The following MTUS2 variants were observed in gnomAD, a reference collection of about 807,000 sequenced individuals.
MTUS2 encodes microtubule-associated tumor suppressor candidate 2.
A neutral mutation model predicts 114.1 loss-of-function variants in MTUS2; 40 were observed. The observed-to-expected ratio is 0.35, with a 90% confidence interval of 0.27 to 0.46. The LOEUF (loss-of-function observed/expected upper bound fraction) is 0.46, where lower values mean the gene tolerates loss of function less well. MTUS2 is among the 20% of genes least tolerant of loss of function. The pLI, the probability that MTUS2 is intolerant of heterozygous loss-of-function variation, is 1.00. For missense variants in MTUS2, 1,679 were observed against 1,705.4 expected, an observed-to-expected ratio of 0.98 and a Z score of 0.27; for synonymous variants, 688 against 672.0, an observed-to-expected ratio of 1.02 and a Z score of -0.37.
chr13:29,438,937 A>G (rs1053870458), intron 8 of MTUS2, among the ~76,000 whole-genome samples: 1 of 152,142 alleles, frequency 6.6e-6, no homozygotes, highest in Non-Finnish European at 1.5e-5. Context: ...ACCAGAAACA[A>G]TATTGTGAGA....
chr13:29,190,295 A>G (rs1894394202), intron 5 of MTUS2, among the ~76,000 whole-genome samples: 1 of 152,250 alleles, frequency 6.6e-6, no homozygotes, highest in South Asian at 2.1e-4. Flanking sequence ...TTGGAATACT[A>G]ACAGCTTTTC....
At chr13:29,271,355 C>T (rs1341449840) in intron 5 of MTUS2, among the ~76,000 whole-genome samples, 1 of 152,152 alleles carries the variant, frequency 6.6e-6, no homozygotes, top group Non-Finnish European at 1.5e-5. Context: ...CATTTTTCCT[C>T]CCGAATTTTA....
At chr13:29,094,688 A>T (rs1890105191) in intron 4 of MTUS2, among the ~76,000 whole-genome samples, 1 of 151,326 alleles carries the variant, frequency 6.6e-6, no homozygotes, top group South Asian at 2.1e-4. Context: ...ATTTATTTTC[A>T]CTGTAATCTT....
intron 9 of MTUS2, among the ~76,000 whole-genome samples, chr13:29,470,647 A>C (rs913527598): frequency 2.0e-5 from 3 of 152,138 alleles, no homozygotes; most frequent in Non-Finnish European, 4.4e-5. Flanking sequence ...ATCCCGTTTG[A>C]TACTCTCTGG....
intron 8 of MTUS2, among the ~76,000 whole-genome samples, chr13:29,366,393 C>T (rs979521991): frequency 6.6e-6 from 1 of 152,142 alleles, no homozygotes; most frequent in Non-Finnish European, 1.5e-5. Context: ...CCCACCAGGT[C>T]CCTCCCATAA....
chr13:28,906,651 T>G (rs1490438008), intron 2 of MTUS2, among the ~76,000 whole-genome samples: 2 of 151,554 alleles, frequency 1.3e-5, no homozygotes, highest in East Asian at 3.8e-4. Flanking sequence ...GTTTTACATT[T>G]GCTGAGGAGT....
At chr13:28,980,163 T>C (rs1884294089) in intron 2 of MTUS2, among the ~76,000 whole-genome samples, 2 of 152,366 alleles carry the variant, frequency 1.3e-5, no homozygotes, top group South Asian at 2.1e-4. Flanking sequence ...GGTAAATGTA[T>C]TGATTTTGTG....
At chr13:28,888,712 G>A (rs184057748) in intron 2 of MTUS2, among the ~76,000 whole-genome samples, 57 of 152,140 alleles carry the variant, frequency 3.7e-4, no homozygotes, top group East Asian at 2.7e-3. Context: ...ATGAGACACC[G>A]CGCTCGGCTC....
At chr13:29,019,377 A>G (rs937735235) in intron 2 of MTUS2, among the ~76,000 whole-genome samples, 2 of 152,142 alleles carry the variant, frequency 1.3e-5, no homozygotes, top group African/African-American at 4.8e-5. Context: ...TGAGTGATTT[A>G]TCAGTGGATT....
intron 2 of MTUS2, among the ~76,000 whole-genome samples, chr13:28,998,626 T>C (rs949840825): frequency 5.3e-5 from 8 of 152,226 alleles, no homozygotes; most frequent in Admixed American, 5.2e-4. Context: ...CTCTTCACGC[T>C]TCATTTCATT....
rs1412985395 is a variant in MTUS2, at chr13:29,026,224, A to G, written c.1526A>G (p.Asn509Ser). Residue 509 changes from asparagine (N) to serine (S), a missense_variant, in exon 3 of 16, where the codon AAC becomes AGC. By Grantham distance (46) the Asn-to-Ser change is conservative. This residue lies in a region of MTUS2 where 843 missense variants were observed against 770.8 expected (regional missense o/e 1.09). Transcript: ENST00000612955. ...GAGGTCACCACATCTGTTGCTGAAA[A>G]CAGGAACCTTCTAGAGAATGCAGAT... The part of the protein sequence containing the change: ...SKEVTTSVAE[N>S]RNLLENADKI... The G allele has an allele frequency of 6.2e-7, 1 of 1,613,862 alleles. No homozygotes were observed. Among genetic ancestry groups the G allele is most frequent in the Non-Finnish European group, 8.5e-7 (1 of 1,179,898 alleles).
chr13:29,333,922 A>G (rs1301710881), intron 7 of MTUS2, among the ~76,000 whole-genome samples: 2 of 152,162 alleles, frequency 1.3e-5, no homozygotes, highest in Non-Finnish European at 2.9e-5. Context: ...TGTTGCATTG[A>G]TCCCGTTACC....
intron 8 of MTUS2, among the ~76,000 whole-genome samples, chr13:29,406,076 A>G (rs1330247820): frequency 6.6e-6 from 1 of 151,872 alleles, no homozygotes; most frequent in Non-Finnish European, 1.5e-5. Flanking sequence ...ATCTTGCCAT[A>G]TTTGCTTTAG....
chr13:29,031,205 G>A (rs1886797970), intron 3 of MTUS2, among the ~76,000 whole-genome samples: 2 of 123,724 alleles, frequency 1.6e-5, no homozygotes, highest in Non-Finnish European at 3.5e-5. Context: ...GCACTGCATC[G>A]ATTGGGGTTT....
At chr13:29,315,423 C>T (rs1055914590) in intron 6 of MTUS2, among the ~76,000 whole-genome samples, 4 of 152,172 alleles carry the variant, frequency 2.6e-5, no homozygotes, top group Non-Finnish European at 5.9e-5. Flanking sequence ...AAATATCACT[C>T]TGTACCCCAT....
intron 5 of MTUS2, among the ~76,000 whole-genome samples, chr13:29,190,759 C>T (rs142051383): frequency 6.6e-6 from 1 of 152,158 alleles, no homozygotes; most frequent in Admixed American, 6.5e-5. Flanking sequence ...CAGTACTTTC[C>T]AGGCAGGATG....
intron 4 of MTUS2, among the ~76,000 whole-genome samples, chr13:29,046,683 A>G (rs1424885786): frequency 1.3e-5 from 2 of 152,118 alleles, no homozygotes. Flanking sequence ...TCTTCAAATA[A>G]CTGGATCAAT....
At chr13:28,846,387 C>T (rs897174156) in intron 2 of MTUS2, among the ~76,000 whole-genome samples, 6 of 152,310 alleles carry the variant, frequency 3.9e-5, no homozygotes, top group African/African-American at 1.2e-4. Flanking sequence ...ATTATAAGTT[C>T]TAAGAGGCAT....
chr13:29,356,635 C>T (rs547371769), intron 7 of MTUS2, among the ~76,000 whole-genome samples: 16 of 152,186 alleles, frequency 1.1e-4, no homozygotes, highest in African/African-American at 1.4e-4. Flanking sequence ...ATTGACAGCA[C>T]GAGAAAGAAT....
Sources: gnomAD v4.1 joint callset for allele counts (sites outside exome capture counted in the v4.1 genomes callset) on GRCh38, gnomAD v4.1.1 for gene constraint, gnomAD v4.1.1 regional missense constraint, MANE v1.5 for transcripts, NCBI Gene and HGNC (gene_info 2026-07-23, HGNC 2026-07-21) for gene names.